Variants in CPA5 observed in about 807,000 individuals in gnomAD.
The protein encoded by CPA5 is testicular tissue protein Li 32.
In CPA5, 38 loss-of-function variants were observed where a neutral mutation model predicts 52.2. The observed-to-expected ratio is 0.73, with a 90% CI of 0.56 to 0.95. The LOEUF is 0.95. CPA5 is among the 40% of genes least tolerant of loss of function. The pLI, the probability that CPA5 is intolerant of heterozygous loss-of-function variation, is 0.00. For synonymous variants in CPA5, 198 were observed against 213.7 expected, an observed-to-expected ratio of 0.93 and a Z score of 0.64; for missense variants, 519 against 566.7, an observed-to-expected ratio of 0.92 and a Z score of 0.86.
At chr7:130,363,036 A>T in intron 9 of CPA5, 42 bp downstream of exon 9, 2 of 1,207,318 alleles carry the variant, frequency 1.7e-6, no homozygotes, top group Non-Finnish European at 2.4e-6. Flanking sequence ...GGTCAGCTCT[A>T]GGGGGATGGA....
At chr7:130,359,783 T>C in intron 6 of CPA5, 96 bp downstream of exon 6, 1 of 786,068 alleles carries the variant, frequency 1.3e-6, no homozygotes, top group Non-Finnish European at 2.1e-6. Context: ...CTCCAGGGTT[T>C]ATGGGAAACT....
rs1485270223 is a variant in CPA5, at chr7:130,344,991, TC to T, written c.-364del. 1.3e-5 allele frequency: 2 copies of T among 152,238 alleles called. No homozygotes were observed. Among genetic ancestry groups the T allele is most frequent in the African/African-American group, 4.8e-5 (2 of 41,462 alleles). 9.4% of individuals were successfully genotyped at this position (152,238 alleles called of 1,614,324 possible). Reference sequence around the variant, plus strand: ...GTGACTAGCACTATCTCTGTTTTTTTCCTTTTAAATTCCTGAGCTATTGTTT... The same window carrying T: ...GTGACTAGCACTATCTCTGTTTTTTTCTTTTAAATTCCTGAGCTATTGTTT... On this transcript the variant is annotated 5_prime_UTR_variant, in exon 1 of 13. Coordinates refer to ENST00000474905, the MANE Select transcript of CPA5 (RefSeq NM_080385.5).
chr7:130,368,387 C>T (rs1338086617), intron 12 of CPA5, 23 bp from the exon 13 acceptor site: 4 of 1,610,872 alleles, frequency 2.5e-6, no homozygotes, highest in Middle Eastern at 1.7e-4. Flanking sequence ...TTGTGGGGCA[C>T]ATTTTGGAAC....
chr7:130,356,482 C>T (rs187607466), intron 5 of CPA5, among the ~76,000 whole-genome samples: 1 of 152,228 alleles, frequency 6.6e-6, no homozygotes, highest in Non-Finnish European at 1.5e-5. Flanking sequence ...CGTCACCCAT[C>T]CCCTTCCCCC....
chr7:130,346,694 C>T lies in CPA5; in HGVS notation c.116+93C>T, dbSNP rs1206844243. The T allele has an allele frequency of 6.2e-6, 6 of 975,288 alleles. No homozygotes were observed. The Admixed American group carries it at 7.5e-5, about 12-fold the overall frequency. 60.4% of individuals were successfully genotyped at this position (975,288 alleles called of 1,614,324 possible). A position where few individuals can be genotyped will look rare whatever the true frequency, so the allele number is the denominator to read the frequency against. ...GGTGGCTGCCCTGCTGGTGCCTGATCAAGGCGGAGAGTCAGGATGTGGGTT... is the reference window on the plus strand; with the variant it reads ...GGTGGCTGCCCTGCTGGTGCCTGATTAAGGCGGAGAGTCAGGATGTGGGTT... On this transcript the variant is annotated intron_variant, in intron 3 of 12. Coordinates refer to ENST00000474905, the MANE Select transcript of CPA5 (RefSeq NM_080385.5).
intron 5 of CPA5, among the ~76,000 whole-genome samples, chr7:130,351,876 C>T (rs1795166721): frequency 6.6e-6 from 1 of 152,152 alleles, no homozygotes. Flanking sequence ...CGGTTGTCTG[C>T]TGAATGACTT....
Position 130,368,492 on chromosome 7 carries a change from G to A in CPA5, c.1206G>A (p.Gly402=). Residue 402 remains glycine (G), a synonymous_variant, in exon 13 of 13, where the codon GGG becomes GGA. Transcript: ENST00000474905. ...TCAGCTTTGAGCTCCGGGACACTGG[G>A]CAGTATGGCTTCCTGCTGCCGGCCA... ...YAFSFELRDT[G]QYGFLLPATQ... The A allele has an allele frequency of 1.2e-6, 2 of 1,614,160 alleles. No homozygotes were observed. Among genetic ancestry groups the A allele is most frequent in the African/African-American group, 2.7e-5 (2 of 75,022 alleles).
At chr7:130,361,450 G>A (rs1166266571) in intron 7 of CPA5, among the ~76,000 whole-genome samples, 1 of 152,196 alleles carries the variant, frequency 6.6e-6, no homozygotes, top group Non-Finnish European at 1.5e-5. Context: ...TGGTGACCTA[G>A]CCTGTCCTTG....
chr7:130,360,111 A>G (rs1453166558), intron 6 of CPA5, among the ~76,000 whole-genome samples: 1 of 152,228 alleles, frequency 6.6e-6, no homozygotes, highest in Non-Finnish European at 1.5e-5. Flanking sequence ...TTATAGTTAT[A>G]AAAAGGACAA....
chr7:130,360,503 C>T (rs1795735390), intron 6 of CPA5, among the ~76,000 whole-genome samples: 1 of 152,258 alleles, frequency 6.6e-6, no homozygotes, highest in Non-Finnish European at 1.5e-5. Context: ...AGGCACACGT[C>T]TCATTTTGCG....
At chr7:130,352,875 A>G (rs1205879601) in intron 5 of CPA5, among the ~76,000 whole-genome samples, 1 of 151,016 alleles carries the variant, frequency 6.6e-6, no homozygotes, top group African/African-American at 2.4e-5. Flanking sequence ...ATGAGTCACC[A>G]TGGAAAAACT....
At position 130,368,459 on chromosome 7, in the gene CPA5, G is replaced by A. The variant is rs200414235; in HGVS notation, c.1173G>A (p.Lys391=). ...TVDWAYDSGI[K]YAFSFELRDT... Reference sequence around the variant, plus strand: ...ACTGGGCCTATGACAGTGGCATCAAGTACGCCTTCAGCTTTGAGCTCCGGG... The same window carrying A: ...ACTGGGCCTATGACAGTGGCATCAAATACGCCTTCAGCTTTGAGCTCCGGG... The change falls in exon 13 of 13, where the codon AAG becomes AAA. Residue 391 remains lysine, a synonymous_variant. Coordinates refer to ENST00000474905, the MANE Select transcript of CPA5 (RefSeq NM_080385.5). The A allele has an allele frequency of 5.6e-6, 9 of 1,614,174 alleles. No individual in the cohort carries two copies. Among genetic ancestry groups the A allele is most frequent in the Admixed American group, 1.7e-5 (1 of 60,018 alleles).
chr7:130,357,129 T>C (rs1399399564), intron 5 of CPA5, among the ~76,000 whole-genome samples: 1 of 152,216 alleles, frequency 6.6e-6, no homozygotes, highest in Non-Finnish European at 1.5e-5. Context: ...GCAACTGTAA[T>C]TGCCTCGCAT....
chr7:130,360,203 T>C (rs781896783), intron 6 of CPA5, among the ~76,000 whole-genome samples: 2 of 152,280 alleles, frequency 1.3e-5, no homozygotes, highest in Non-Finnish European at 2.9e-5. Context: ...TGTGTTTCTT[T>C]CCTCTTTCTT....
intron 10 of CPA5, among the ~76,000 whole-genome samples, chr7:130,366,843 T>G (rs1796114418): frequency 6.6e-6 from 1 of 152,164 alleles, no homozygotes; most frequent in Admixed American, 6.5e-5. Flanking sequence ...TTCCTCTGGA[T>G]GCAACTTCTG....
At chr7:130,363,221 C>A (rs1795890998) in intron 9 of CPA5, among the ~76,000 whole-genome samples, 198 bp from the exon 10 acceptor site, 1 of 152,212 alleles carries the variant, frequency 6.6e-6, no homozygotes. Flanking sequence ...TCTCCCTAGA[C>A]CCTGACTTCA....
downstream of CPA5, among the ~76,000 whole-genome samples, chr7:130,369,544 ATGAGGT>A (rs1372206446): frequency 6.6e-6 from 1 of 152,180 alleles, no homozygotes; most frequent in Non-Finnish European, 1.5e-5. Context: ...GAAGAGCCAA[ATGAGGT>A]TGTGTAAGTC....
intron 5 of CPA5, among the ~76,000 whole-genome samples, chr7:130,356,059 G>A (rs1167567888): frequency 2.6e-5 from 4 of 152,218 alleles, no homozygotes; most frequent in Non-Finnish European, 5.9e-5. Flanking sequence ...TGCTACTGCA[G>A]ATGTTAGACC....
chr7:130,362,510 C>A lies in CPA5; in HGVS notation c.607C>A (p.His203Asn). The A allele has an allele frequency of 6.2e-7, 1 of 1,613,634 alleles. No individual in the cohort carries two copies. The highest frequency in any genetic ancestry group is 1.1e-5 in the South Asian group (1 of 91,042). ...AATTCACTCCCGGGAGTGGATCACC[C>A]ATGCCACCGGCATCTGGACTGCCAA... ...TGIHSREWIT[H>N]ATGIWTANKI... The change falls in exon 8 of 13, where the codon CAT (histidine) becomes AAT (asparagine). Residue 203 changes from histidine (H) to asparagine (N), a missense_variant. His to Asn is a moderately conservative substitution (Grantham distance 68). Coordinates refer to ENST00000474905, the MANE Select transcript of CPA5 (RefSeq NM_080385.5).
Sources: gnomAD v4.1 joint callset for allele counts (sites outside exome capture counted in the v4.1 genomes callset) on GRCh38, gnomAD v4.1.1 for gene constraint, MANE v1.5 for transcripts, NCBI Gene and HGNC (gene_info 2026-07-23, HGNC 2026-07-21) for gene names.